The following EIF3H variants were observed in gnomAD, a reference collection of about 807,000 sequenced individuals.
The protein encoded by EIF3H is eIF-3-gamma.
A neutral mutation model predicts 44.2 loss-of-function variants in EIF3H; 26 were observed. The observed-to-expected ratio is 0.59, with a 90% CI of 0.43 to 0.82. The LOEUF (loss-of-function observed/expected upper bound fraction) is 0.82. EIF3H is among the 40% of genes least tolerant of loss of function. The pLI, the probability that EIF3H is intolerant of heterozygous loss-of-function variation, is 0.00. For missense variants in EIF3H, 359 were observed against 432.8 expected (o/e 0.83, Z 1.51); for synonymous variants, 166 against 151.9 (o/e 1.09, Z -0.68).
At chr8:116,668,195 A>T (rs764326590) in intron 2 of EIF3H, among the ~76,000 whole-genome samples, 7 of 152,252 alleles carry the variant, frequency 4.6e-5, no homozygotes, top group Non-Finnish European at 8.8e-5. Flanking sequence ...AAAATTTTAA[A>T]TGGCATAGGA....
At chr8:116,678,162 GTTTTTT>G (rs1294897231) in intron 2 of EIF3H, among the ~76,000 whole-genome samples, 2,023 of 146,156 alleles carry the variant, frequency 0.014, 45 homozygotes, top group African/African-American at 0.048. Flanking sequence ...ACTGGTTTTC[GTTTTTT>G]TTTTTTGGTG....
At chr8:116,687,002 CAAG>C (rs1037212765) in intron 2 of EIF3H, among the ~76,000 whole-genome samples, 2 of 152,088 alleles carry the variant, frequency 1.3e-5, no homozygotes, top group African/African-American at 2.4e-5. Context: ...ACTGAACTGG[CAAG>C]AAGGTGTCAG....
chr8:116,702,560 T>C (rs542695447), intron 2 of EIF3H, among the ~76,000 whole-genome samples: 1 of 152,334 alleles, frequency 6.6e-6, no homozygotes, highest in African/African-American at 2.4e-5. Flanking sequence ...CCTTACTGGT[T>C]TCTACCTTAT....
At chr8:116,714,276 T>C (rs1012328782) in intron 2 of EIF3H, among the ~76,000 whole-genome samples, 1 of 152,126 alleles carries the variant, frequency 6.6e-6, no homozygotes, top group Non-Finnish European at 1.5e-5. Flanking sequence ...AACTGACATC[T>C]ATCTATAGAA....
At chr8:116,706,819 A>G (rs1334877216) in intron 2 of EIF3H, among the ~76,000 whole-genome samples, 3 of 152,198 alleles carry the variant, frequency 2.0e-5, no homozygotes, top group Non-Finnish European at 4.4e-5. Context: ...TGCTGGGAAT[A>G]CAGGCATGAG....
intron 2 of EIF3H, among the ~76,000 whole-genome samples, chr8:116,707,066 A>G (rs1362923958): frequency 6.6e-6 from 1 of 152,210 alleles, no homozygotes; most frequent in East Asian, 1.9e-4. Context: ...CGTTTTCAAC[A>G]TGTTATTCCA....
intron 2 of EIF3H, among the ~76,000 whole-genome samples, chr8:116,712,581 A>C (rs935986675): frequency 5.3e-5 from 8 of 152,204 alleles, no homozygotes; most frequent in Non-Finnish European, 1.2e-4. Flanking sequence ...CTGGTAGAAA[A>C]AAGCATTAAA....
At chr8:116,709,606 C>T (rs1283448118) in intron 2 of EIF3H, among the ~76,000 whole-genome samples, 1 of 152,184 alleles carries the variant, frequency 6.6e-6, no homozygotes, top group Non-Finnish European at 1.5e-5. Context: ...CCATACACAA[C>T]TTCATCACTC....
At chr8:116,684,687 A>C (rs1814044873) in intron 2 of EIF3H, among the ~76,000 whole-genome samples, 1 of 152,204 alleles carries the variant, frequency 6.6e-6, no homozygotes, top group South Asian at 2.1e-4. Flanking sequence ...TAAAATTCAA[A>C]GATTGAAGGA....
At chr8:116,694,555 T>C (rs1276610530) in intron 2 of EIF3H, among the ~76,000 whole-genome samples, 1 of 152,214 alleles carries the variant, frequency 6.6e-6, no homozygotes, top group Admixed American at 6.5e-5. Context: ...CATTTTGCCA[T>C]ACAGATTTGT....
At chr8:116,662,051 T>C (rs1342652330) in intron 2 of EIF3H, among the ~76,000 whole-genome samples, 2 of 152,186 alleles carry the variant, frequency 1.3e-5, no homozygotes, top group African/African-American at 2.4e-5. Flanking sequence ...TTTGGACACA[T>C]TTGTAAGTCA....
intron 2 of EIF3H, among the ~76,000 whole-genome samples, chr8:116,666,090 G>A (rs1195178875): frequency 1.3e-5 from 2 of 152,068 alleles, no homozygotes; most frequent in African/African-American, 4.8e-5. Context: ...TCCAATATAA[G>A]TTCTATTCTA....
intron 2 of EIF3H, among the ~76,000 whole-genome samples, chr8:116,685,787 T>G (rs1260370538): frequency 1.3e-5 from 2 of 152,190 alleles, no homozygotes; most frequent in Non-Finnish European, 2.9e-5. Context: ...AATTCTACGC[T>G]TACTTCAGTA....
intron 2 of EIF3H, among the ~76,000 whole-genome samples, chr8:116,712,282 T>C (rs1814586275): frequency 2.0e-5 from 3 of 152,142 alleles, no homozygotes; most frequent in Admixed American, 2.0e-4. Flanking sequence ...CATCCAATTC[T>C]ATACACCAGA....
At chr8:116,687,335 A>C (rs1291762080) in intron 2 of EIF3H, among the ~76,000 whole-genome samples, 1 of 152,218 alleles carries the variant, frequency 6.6e-6, no homozygotes, top group Non-Finnish European at 1.5e-5. Flanking sequence ...TGCAAAACAA[A>C]TTCAATTATT....
Position 116,643,518 on chromosome 8 carries a change from G to T in EIF3H, c.*1488C>A, listed in dbSNP as rs907819607. 1 of 152,144 alleles carries T rather than the reference G, an allele frequency of 6.6e-6. No individual in the cohort carries two copies. The highest frequency in any genetic ancestry group is 6.5e-5 in the Admixed American group (1 of 15,284). The allele number at this position is 152,144 out of a possible 1,614,324, so 9.4% of individuals were successfully genotyped here. On this transcript the variant is annotated 3_prime_UTR_variant, in exon 8 of 8. Coordinates refer to ENST00000521861, the MANE Select transcript of EIF3H (RefSeq NM_003756.3). ...CCTCATCATAAATACAGGCTGAGTG[G>T]CTGCCACATACCAACCAGAGTTTGC...
intron 2 of EIF3H, among the ~76,000 whole-genome samples, chr8:116,714,794 CAAAA>C (rs1814634966): frequency 6.6e-6 from 1 of 151,974 alleles, no homozygotes; most frequent in Non-Finnish European, 1.5e-5. Context: ...GGGGGTAAGA[CAAAA>C]TAATAAGTAA....
chr8:116,660,756 A>C (rs1813572685), intron 2 of EIF3H, among the ~76,000 whole-genome samples: 1 of 152,166 alleles, frequency 6.6e-6, no homozygotes, highest in African/African-American at 2.4e-5. Context: ...TACTAAGGGT[A>C]TGGGGGAGAA....
chr8:116,715,067 A>T (rs545649123), intron 2 of EIF3H, among the ~76,000 whole-genome samples: 1 of 152,254 alleles, frequency 6.6e-6, no homozygotes, highest in Admixed American at 6.5e-5. Context: ...CACTGCAAAT[A>T]ACATCACCAT....
Sources: gnomAD v4.1 joint callset for allele counts (sites outside exome capture counted in the v4.1 genomes callset) on GRCh38, gnomAD v4.1.1 for gene constraint, MANE v1.5 for transcripts, NCBI Gene and HGNC (gene_info 2026-07-23, HGNC 2026-07-21) for gene names.